Variants in PTPRO observed in about 807,000 individuals in gnomAD.
PTPRO encodes the protein receptor-type tyrosine-protein phosphatase O.
Under a neutral mutation model 145.2 loss-of-function variants are expected in PTPRO, and 62 were observed. That is an observed-to-expected ratio of 0.43 (90% CI 0.35 to 0.53). PTPRO has a LOEUF of 0.53. Among genes scored for constraint, PTPRO ranks in the 20% least tolerant of loss-of-function variants. The pLI is 0.01. For synonymous variants in PTPRO, 565 were observed against 514.7 expected (o/e 1.10, Z -1.32); for missense variants, 1,345 against 1,482.7 (o/e 0.91, Z 1.53).
chr12:15,420,473 G>A (rs1940114169), intron 1 of PTPRO, among the ~76,000 whole-genome samples: 1 of 151,588 alleles, frequency 6.6e-6, no homozygotes, highest in Non-Finnish European at 1.5e-5. Flanking sequence ...CTGAAACACA[G>A]CCATTCCAAT....
At chr12:15,418,000 A>G (rs1455515045) in intron 1 of PTPRO, among the ~76,000 whole-genome samples, 2 of 151,840 alleles carry the variant, frequency 1.3e-5, no homozygotes, top group Non-Finnish European at 2.9e-5. Context: ...TAATATAGCA[A>G]CTTTGGTAGA....
At chr12:15,548,800 T>A (rs1007225618) in intron 13 of PTPRO, among the ~76,000 whole-genome samples, 1 of 152,162 alleles carries the variant, frequency 6.6e-6, no homozygotes, top group African/African-American at 2.4e-5. Flanking sequence ...AGCAGAATAA[T>A]GTGTAGGCTA....
chr12:15,483,531 C>G (rs1279409616), intron 1 of PTPRO, among the ~76,000 whole-genome samples: 1 of 152,026 alleles, frequency 6.6e-6, no homozygotes, highest in Non-Finnish European at 1.5e-5. Context: ...AAATAACTGC[C>G]TTGATATATT....
intron 18 of PTPRO, among the ~76,000 whole-genome samples, chr12:15,567,315 A>G (rs10846211): frequency 0.38 from 57,460 of 151,656 alleles, 11,050 homozygotes; most frequent in Middle Eastern, 0.52. Flanking sequence ...CACCACTACC[A>G]TATCCCCCTG....
intron 1 of PTPRO, among the ~76,000 whole-genome samples, chr12:15,438,321 C>T (rs549384518): frequency 6.6e-6 from 1 of 152,150 alleles, no homozygotes; most frequent in South Asian, 2.1e-4. Flanking sequence ...GTAGTGAAAC[C>T]ACCAAAAGAT....
rs148447903 is a variant in PTPRO, at chr12:15,557,427, C to T, written c.2559-28C>T. On this transcript the variant is annotated intron_variant, in intron 15 of 26. Coordinates refer to ENST00000281171, the MANE Select transcript of PTPRO (RefSeq NM_030667.3). ...GTAAGAATGCTTTGTCAAGCAGTAA[C>T]CTTGATTTTGTGGTTCCTTTAAAAC... The T allele has an allele frequency of 5.9e-4, 941 of 1,598,014 alleles. 9 individuals are homozygous for T. The highest frequency in any genetic ancestry group is 2.2e-3 in the East Asian group (100 of 44,724).
At chr12:15,397,149 C>A (rs1414271570) in intron 1 of PTPRO, among the ~76,000 whole-genome samples, 1 of 152,024 alleles carries the variant, frequency 6.6e-6, no homozygotes, top group East Asian at 1.9e-4. Flanking sequence ...AAATTTATAA[C>A]CCAAAGACTA....
At chr12:15,560,347 A>C in intron 17 of PTPRO, 71 bp downstream of exon 17, 2 of 1,222,682 alleles carry the variant, frequency 1.6e-6, no homozygotes, top group Non-Finnish European at 2.4e-6. Flanking sequence ...AACAAAAAGG[A>C]AAGTTTCTTT....
rs918015124 is a variant in PTPRO at position 15,597,974 on chromosome 12, G to A, written c.*1901G>A. Among the ~76,000 whole-genome samples the A allele has an allele frequency of 2.6e-5, 4 of 152,192 alleles. No homozygotes were observed. Among genetic ancestry groups the A allele is most frequent in the African/African-American group, 9.7e-5 (4 of 41,442 alleles). On this transcript the variant is annotated 3_prime_UTR_variant, in exon 27 of 27. Coordinates refer to ENST00000281171, the MANE Select transcript of PTPRO (RefSeq NM_030667.3). The stretch of plus-strand genomic sequence containing the variant: ...TACAATGTATGGTAAGCTGAAGTAC[G>A]TTTCCAACACTGCTGCTCAGAGCAT...
chr12:15,386,445 T>A (rs1472650438), intron 1 of PTPRO, among the ~76,000 whole-genome samples: 1 of 152,102 alleles, frequency 6.6e-6, no homozygotes, highest in Admixed American at 6.5e-5. Context: ...GAAATAAATA[T>A]AAACAAATAT....
rs1944689296 is a variant in PTPRO, at chr12:15,597,849, A to T, written c.*1776A>T. ...ATAATGTGTCGCACCATTCTCAGGA[A>T]CAAACATGGTTAATGAAAGGTGGCA... On this transcript the variant is annotated 3_prime_UTR_variant, in exon 27 of 27. Coordinates refer to ENST00000281171, the MANE Select transcript of PTPRO (RefSeq NM_030667.3). Among the ~76,000 whole-genome samples the T allele has an allele frequency of 6.6e-6, 1 of 152,178 alleles. No individual in the cohort carries two copies.
intron 7 of PTPRO, among the ~76,000 whole-genome samples, chr12:15,512,520 T>C (rs1325140680): frequency 2.0e-5 from 3 of 152,188 alleles, no homozygotes; most frequent in Non-Finnish European, 4.4e-5. Flanking sequence ...ATGTCAGGAT[T>C]TGTGGGAGGA....
At chr12:15,386,449 CA>C (rs1278202136) in intron 1 of PTPRO, among the ~76,000 whole-genome samples, 1 of 151,904 alleles carries the variant, frequency 6.6e-6, no homozygotes, top group African/African-American at 2.4e-5. Flanking sequence ...TAAATATAAA[CA>C]AATATGCATA....
intron 17 of PTPRO, among the ~76,000 whole-genome samples, chr12:15,564,077 G>A (rs1448702260): frequency 6.6e-6 from 1 of 152,122 alleles, no homozygotes; most frequent in Non-Finnish European, 1.5e-5. Context: ...TTTTTGAGGG[G>A]ATCAGGGAGA....
chr12:15,580,413 G>A (rs1027867773), intron 21 of PTPRO, among the ~76,000 whole-genome samples: 7 of 152,210 alleles, frequency 4.6e-5, no homozygotes, highest in African/African-American at 1.4e-4. Context: ...TTCCACCCTA[G>A]CACCTGCACT....
chr12:15,594,423 C>A (rs552945861), intron 25 of PTPRO, among the ~76,000 whole-genome samples: 1 of 151,626 alleles, frequency 6.6e-6, no homozygotes. Flanking sequence ...TAATGTACAG[C>A]ATGGTGAACA....
intron 18 of PTPRO, among the ~76,000 whole-genome samples, chr12:15,568,152 A>G (rs891100220): frequency 2.6e-5 from 4 of 151,996 alleles, no homozygotes; most frequent in Non-Finnish European, 5.9e-5. Flanking sequence ...CAGTTAGGCC[A>G]GGTGCAGTGG....
At chr12:15,429,689 T>C (rs1423803737) in intron 1 of PTPRO, among the ~76,000 whole-genome samples, 1 of 152,074 alleles carries the variant, frequency 6.6e-6, no homozygotes, top group Non-Finnish European at 1.5e-5. Context: ...TTTGTGTCAT[T>C]AAAGGGTTAG....
Position 15,484,120 on chromosome 12 carries a change from C to G in PTPRO, c.222C>G (p.Phe74Leu). Residue 74 changes from phenylalanine (F) to leucine (L), a missense_variant, in exon 2 of 27, where the codon TTC becomes TTG. By Grantham distance (22) the Phe-to-Leu change is conservative (BLOSUM62 0). Transcript: ENST00000281171. ...ATTATTTCTTCGAATTTGAGGAATT[C>G]AACAGCACTTTGCCTCCTCCTGTTA... ...SKNYFFEFEE[F>L]NSTLPPPVIF... 2 of 1,613,764 alleles carry G rather than the reference C, an allele frequency of 1.2e-6. No homozygotes were observed. Among genetic ancestry groups the G allele is most frequent in the East Asian group, 2.2e-5 (1 of 44,862 alleles).
Sources: allele counts gnomAD v4.1 joint callset (sites outside exome capture counted in the v4.1 genomes callset), GRCh38; gene constraint gnomAD v4.1.1; transcripts MANE v1.5; gene names NCBI Gene and HGNC (gene_info 2026-07-23, HGNC 2026-07-21).